Variants in FYB2 observed in about 807,000 individuals in gnomAD.
FYB2 encodes the protein FYN binding protein 2, also known as FYN-binding protein 2.
Under a neutral mutation model 94.1 loss-of-function variants are expected in FYB2, and 103 were observed. The observed-to-expected ratio is 1.09, with a 90% CI of 0.93 to 1.29. The LOEUF (loss-of-function observed/expected upper bound fraction) is 1.29. FYB2 is among the 50% of genes most tolerant of loss of function. The probability of loss-of-function intolerance (pLI) is 0.00; values close to 1 mark genes in which losing one functional copy is unlikely to be tolerated. For missense variants in FYB2, 896 were observed against 841.5 expected, an observed-to-expected ratio of 1.06 and a Z score of -0.80; for synonymous variants, 293 against 287.9, an observed-to-expected ratio of 1.02 and a Z score of -0.18.
At chr1:56,801,099 C>A (rs1454899263) in intron 1 of FYB2, among the ~76,000 whole-genome samples, 1 of 152,124 alleles carries the variant, frequency 6.6e-6, no homozygotes, top group African/African-American at 2.4e-5. Context: ...CCACCCTAAC[C>A]CTCAGTCTGC....
intron 5 of FYB2, among the ~76,000 whole-genome samples, chr1:56,761,717 C>T (rs1293189647): frequency 6.6e-6 from 1 of 152,082 alleles, no homozygotes; most frequent in Non-Finnish European, 1.5e-5. Context: ...TTTTCTTGGC[C>T]TTGTTCAAGG....
intron 1 of FYB2, among the ~76,000 whole-genome samples, chr1:56,807,792 C>A (rs1646680482): frequency 6.6e-6 from 1 of 152,204 alleles, no homozygotes; most frequent in African/African-American, 2.4e-5. Context: ...ATGCTCTGGA[C>A]TTTGGAATCA....
At chr1:56,746,351 C>T (rs12061236) in intron 9 of FYB2, among the ~76,000 whole-genome samples, 5,563 of 151,940 alleles carry the variant, frequency 0.037, 335 homozygotes, top group African/African-American at 0.13. Context: ...TATCTATTAT[C>T]TTAGTACATA....
At chr1:56,785,179 T>A (rs1042027576) in intron 4 of FYB2, among the ~76,000 whole-genome samples, 4 of 152,210 alleles carry the variant, frequency 2.6e-5, no homozygotes. Flanking sequence ...ATCCTCCATG[T>A]TGAAACAGAT....
At chr1:56,721,633 C>T (rs1450683305) in intron 17 of FYB2, among the ~76,000 whole-genome samples, 1 of 152,006 alleles carries the variant, frequency 6.6e-6, no homozygotes, top group Non-Finnish European at 1.5e-5. Context: ...CTGCTTAGCT[C>T]GACATTTGGG....
At chr1:56,754,270 T>C (rs553689343) in intron 7 of FYB2, among the ~76,000 whole-genome samples, 1 of 152,188 alleles carries the variant, frequency 6.6e-6, no homozygotes, top group African/African-American at 2.4e-5. Flanking sequence ...GGCTTGAGTC[T>C]AGACTCTCAT....
chr1:56,758,837 C>A (rs992321307), intron 5 of FYB2, 87 bp from the exon 6 acceptor site: 1 of 1,054,790 alleles, frequency 9.5e-7, no homozygotes, highest in Non-Finnish European at 1.3e-6. Flanking sequence ...ATAAAAGATT[C>A]CAGAATTCAG....
intron 1 of FYB2, among the ~76,000 whole-genome samples, chr1:56,805,789 A>G (rs1343705207): frequency 6.6e-6 from 1 of 152,182 alleles, no homozygotes; most frequent in African/African-American, 2.4e-5. Flanking sequence ...TCCCCTGCAT[A>G]AATTCTCTCT....
At chr1:56,719,889 A>G (rs752878642) in intron 19 of FYB2, 133 bp downstream of exon 19, 3 of 1,030,476 alleles carry the variant, frequency 2.9e-6, no homozygotes, top group Non-Finnish European at 4.1e-6. Context: ...ATCCTTATAG[A>G]ATAGGGCACT....
At chr1:56,815,420 G>C (rs1431920104) in intron 1 of FYB2, among the ~76,000 whole-genome samples, 1 of 152,072 alleles carries the variant, frequency 6.6e-6, no homozygotes, top group East Asian at 1.9e-4. Context: ...AAAATTGTCT[G>C]TTTCCTTGAC....
Position 56,817,635 on chromosome 1 carries a change from T to C in FYB2, c.9+1647A>G, listed in dbSNP as rs554550851. 1.3e-4 allele frequency among the ~76,000 whole-genome samples: 20 copies of C among 152,270 alleles called. No homozygotes were observed. In the South Asian group the frequency reaches 3.5e-3, roughly 27 times the overall value. On this transcript the variant is annotated intron_variant, in intron 1 of 19. Transcript: ENST00000343433. ...ACACAAACCATGTCCTCAATAAATA[T>C]ATATTGAATAAATGAATATTTTGTT...
At chr1:56,738,041 C>A (rs79246551) in intron 14 of FYB2, among the ~76,000 whole-genome samples, 1,699 of 152,120 alleles carry the variant, frequency 0.011, 48 homozygotes, top group East Asian at 0.11. Flanking sequence ...AACTAACAAA[C>A]AACAGAACAC....
At chr1:56,741,169 A>T (rs1268330550) in intron 12 of FYB2, among the ~76,000 whole-genome samples, 2 of 152,110 alleles carry the variant, frequency 1.3e-5, no homozygotes, top group Non-Finnish European at 2.9e-5. Flanking sequence ...CATCTCACTC[A>T]AGAAAGAGCA....
At chr1:56,750,037 G>A (rs1396611568) in intron 9 of FYB2, among the ~76,000 whole-genome samples, 2 of 151,648 alleles carry the variant, frequency 1.3e-5, no homozygotes, top group Non-Finnish European at 2.9e-5. Flanking sequence ...AATTAAATTG[G>A]GTTTCTCCTG....
At position 56,720,327 on chromosome 1, in the gene FYB2, G is replaced by T. The variant is rs76493848; in HGVS notation, c.1977C>A (p.Tyr659Ter). Residue 659 changes from tyrosine to a stop codon, truncating the protein, a stop_gained and splice_region_variant, in exon 18 of 20, where the codon TAC becomes TAA. Coordinates refer to ENST00000343433, the MANE Select transcript of FYB2 (RefSeq NM_001004303.5). LOFTEE classifies it high-confidence loss of function. ...TATTGATGACAATAATCTCTTTGTC[G>T]TACTGAAATGAGAAATTACTAATCA... is the stretch of plus-strand genomic sequence containing the variant. ...EEKLFRERFK[Y>*]DKEIIVINTA... is the part of the protein sequence containing the mutation. 1.9e-6 allele frequency: 3 copies of T among 1,592,012 alleles called. No individual in the cohort carries two copies. The highest frequency in any genetic ancestry group is 2.6e-6 in the Non-Finnish European group (3 of 1,172,772).
intron 1 of FYB2, among the ~76,000 whole-genome samples, chr1:56,798,885 G>T (rs958746881): frequency 3.9e-5 from 6 of 152,094 alleles, no homozygotes; most frequent in African/African-American, 1.4e-4. Flanking sequence ...CTCTATTCTG[G>T]AATCCTCTAA....
chr1:56,762,510 A>G (rs1404596526), intron 5 of FYB2, among the ~76,000 whole-genome samples: 1 of 152,154 alleles, frequency 6.6e-6, no homozygotes, highest in African/African-American at 2.4e-5. Context: ...ATATTTTTCA[A>G]TTTCAGTATT....
chr1:56,792,499 G>T lies in FYB2; in HGVS notation c.314C>A (p.Ala105Glu), dbSNP rs781618197. 2 of 1,614,130 alleles carry T rather than the reference G, an allele frequency of 1.2e-6. No individual in the cohort carries two copies. Among genetic ancestry groups the T allele is most frequent in the East Asian group, 2.2e-5 (1 of 44,882 alleles). ...CAGAGAAGCCTTCTGTGAACTTGTT[G>T]CAGAACATACAGTAGACTTTCCCAG... The part of the protein sequence containing the change: ...GPLGKSTVCS[A>E]TSSQKASLLL... The change falls in exon 2 of 20, where the codon GCA (alanine) becomes GAA (glutamate). Residue 105 changes from alanine (A) to glutamate (E), a missense_variant. Physicochemically the swap from Ala to Glu is moderately radical, Grantham distance 107. Coordinates refer to ENST00000343433, the MANE Select transcript of FYB2 (RefSeq NM_001004303.5).
chr1:56,772,857 T>C (rs1351147175), intron 4 of FYB2, among the ~76,000 whole-genome samples: 2 of 152,218 alleles, frequency 1.3e-5, no homozygotes, highest in African/African-American at 4.8e-5. Flanking sequence ...AATATTAGTG[T>C]ATTAGAGGAC....
Sources: allele counts gnomAD v4.1 joint callset (sites outside exome capture counted in the v4.1 genomes callset), GRCh38; gene constraint gnomAD v4.1.1; transcripts MANE v1.5; gene names NCBI Gene and HGNC (gene_info 2026-07-23, HGNC 2026-07-21).